FNBP1: variants seen among roughly 807,000 people sequenced by gnomAD.
FNBP1 encodes formin binding protein 1, also known as formin-binding protein 1.
FNBP1 carries 26 observed loss-of-function variants against 90.6 expected under a neutral mutation model. The observed-to-expected ratio is 0.29, with a 90% confidence interval of 0.21 to 0.40. The LOEUF (loss-of-function observed/expected upper bound fraction) is 0.40, where lower values mean the gene tolerates loss of function less well. FNBP1 is among the 10% of genes least tolerant of loss of function. The pLI is 1.00. For missense variants in FNBP1, 635 were observed against 768.0 expected, an observed-to-expected ratio of 0.83 and a Z score of 2.05; for synonymous variants, 260 against 265.2, an observed-to-expected ratio of 0.98 and a Z score of 0.19.
At chr9:129,906,811 C>T (rs771791694) in intron 12 of FNBP1, among the ~76,000 whole-genome samples, 4 of 152,068 alleles carry the variant, frequency 2.6e-5, no homozygotes, top group South Asian at 2.1e-4. Flanking sequence ...GACAGAGTCT[C>T]GCTCTGTTGC....
chr9:129,946,960 C>T (rs11791621), intron 6 of FNBP1, among the ~76,000 whole-genome samples: 12,418 of 152,208 alleles, frequency 0.082, 559 homozygotes, highest in South Asian at 0.09. Flanking sequence ...CCACACTAAA[C>T]CCATTGCTAC....
At chr9:129,994,129 C>T (rs1354423720) in intron 2 of FNBP1, among the ~76,000 whole-genome samples, 3 of 152,134 alleles carry the variant, frequency 2.0e-5, no homozygotes, top group Admixed American at 6.6e-5. Context: ...CAATAATGCT[C>T]GTTGGAGCGC....
intron 15 of FNBP1, among the ~76,000 whole-genome samples, chr9:129,899,309 C>T (rs2036408488): frequency 6.6e-6 from 1 of 151,998 alleles, no homozygotes; most frequent in Non-Finnish European, 1.5e-5. Flanking sequence ...AACTCCTGGC[C>T]TCAAGTGACC....
chr9:130,034,559 G>A (rs1188805310), intron 1 of FNBP1, among the ~76,000 whole-genome samples: 1 of 152,158 alleles, frequency 6.6e-6, no homozygotes, highest in Non-Finnish European at 1.5e-5. Context: ...TCAGAAACTT[G>A]ATACTACTCC....
chr9:129,996,833 A>G (rs963648708), intron 1 of FNBP1, among the ~76,000 whole-genome samples: 1 of 151,936 alleles, frequency 6.6e-6, no homozygotes, highest in Non-Finnish European at 1.5e-5. Flanking sequence ...AACTGGGACT[A>G]TTGGCACCCG....
chr9:129,983,636 C>T (rs1589065862), intron 2 of FNBP1, among the ~76,000 whole-genome samples: 1 of 152,054 alleles, frequency 6.6e-6, no homozygotes, highest in African/African-American at 2.4e-5. Flanking sequence ...CATGGTGAAA[C>T]CCCATCTCTA....
At chr9:129,980,184 A>AC (rs532222179) in intron 2 of FNBP1, among the ~76,000 whole-genome samples, 184 of 151,420 alleles carry the variant, frequency 1.2e-3, no homozygotes, top group African/African-American at 4.1e-3. Flanking sequence ...ACATGGAGAA[A>AC]CCCCGTCCCT....
intron 10 of FNBP1, among the ~76,000 whole-genome samples, chr9:129,916,838 G>T (rs1265371536): frequency 1.3e-5 from 2 of 152,094 alleles, no homozygotes; most frequent in African/African-American, 4.8e-5. Context: ...GACTAGCATT[G>T]CTCTAAGAAA....
intron 1 of FNBP1, among the ~76,000 whole-genome samples, chr9:130,018,667 T>G (rs1359921330): frequency 6.6e-6 from 1 of 152,112 alleles, no homozygotes; most frequent in African/African-American, 2.4e-5. Context: ...GGTCTCGAAC[T>G]CCTGACCTCA....
At chr9:129,969,890 T>TC (rs1213535391) in intron 4 of FNBP1, among the ~76,000 whole-genome samples, 66 of 1,892 alleles carry the variant, frequency 0.035, no homozygotes, top group African/African-American at 0.077. Flanking sequence ...TATTCCTAAC[T>TC]TTTTTTTTTT....
chr9:130,044,346 G>A (rs1488979549), upstream of FNBP1, among the ~76,000 whole-genome samples: 2 of 152,186 alleles, frequency 1.3e-5, no homozygotes, highest in African/African-American at 4.8e-5. Context: ...GAGCTAACCC[G>A]GGTCTGGTGG....
chr9:129,928,352 C>T (rs1303635252), intron 7 of FNBP1, among the ~76,000 whole-genome samples: 1 of 152,146 alleles, frequency 6.6e-6, no homozygotes, highest in African/African-American at 2.4e-5. Flanking sequence ...CAGCATTAAT[C>T]ACAGAATCAT....
chr9:130,024,611 C>A (rs2058158529), intron 1 of FNBP1, among the ~76,000 whole-genome samples: 1 of 152,194 alleles, frequency 6.6e-6, no homozygotes, highest in Admixed American at 6.5e-5. Context: ...CTACTTCCAA[C>A]TTCTCTCTAG....
intron 6 of FNBP1, among the ~76,000 whole-genome samples, chr9:129,937,788 G>A (rs1421992677): frequency 6.6e-6 from 1 of 152,054 alleles, no homozygotes; most frequent in African/African-American, 2.4e-5. Flanking sequence ...ATTTATAAGG[G>A]CAGCTAAAAC....
At position 129,966,676 on chromosome 9, in the gene FNBP1, G is replaced by A. The variant is rs141592591; in HGVS notation, c.346-8123C>T. ...GAACCTGGGTGACGGAGGTTGCAGT[G>A]AGCTGAGATCGCACCACTGCATTCC... On this transcript the variant is annotated intron_variant, in intron 4 of 16. Coordinates refer to ENST00000446176, the MANE Select transcript of FNBP1 (RefSeq NM_015033.3). The surrounding 1 kb of genome is among the most constrained non-coding windows in gnomAD (Gnocchi z 4.3). 1.2e-4 allele frequency among the ~76,000 whole-genome samples: 18 copies of A among 152,216 alleles called. No individual in the cohort carries two copies. Among genetic ancestry groups the A allele is most frequent in the African/African-American group, 3.4e-4 (14 of 41,530 alleles).
At chr9:129,917,962 C>T (rs567392822) in intron 10 of FNBP1, among the ~76,000 whole-genome samples, 2 of 152,326 alleles carry the variant, frequency 1.3e-5, no homozygotes, top group South Asian at 2.1e-4. Flanking sequence ...CTATCATATA[C>T]AGATATTTTC....
chr9:130,053,134 A>G, the FNBP1 span, among the ~76,000 whole-genome samples: 6 of 152,298 alleles, frequency 3.9e-5, no homozygotes, highest in Admixed American at 3.9e-4. Flanking sequence ...AGAAGTTCCT[A>G]TAATTTCTGA....
chr9:129,995,330 A>G (rs1449667100), intron 1 of FNBP1, among the ~76,000 whole-genome samples: 2 of 152,212 alleles, frequency 1.3e-5, no homozygotes, highest in African/African-American at 4.8e-5. Context: ...TCTCTGGGTA[A>G]TCATTCAAAA....
chr9:130,038,393 G>T (rs1385016390), intron 1 of FNBP1, among the ~76,000 whole-genome samples: 1 of 146,116 alleles, frequency 6.8e-6, no homozygotes, highest in African/African-American at 2.5e-5. Context: ...ATCAACACAG[G>T]TGGCTCTTTT....
Sources: gnomAD v4.1 joint callset for allele counts (sites outside exome capture counted in the v4.1 genomes callset) on GRCh38, gnomAD v4.1.1 for gene constraint, Gnocchi (gnomAD v3.1) non-coding constraint, MANE v1.5 for transcripts, NCBI Gene and HGNC (gene_info 2026-07-23, HGNC 2026-07-21) for gene names.